Variants in BMAL2 observed in about 807,000 individuals in gnomAD.
The protein encoded by BMAL2 is basic helix-loop-helix ARNT-like protein 2.
At chr12:27,342,023 A>G in the BMAL2 span, among the ~76,000 whole-genome samples, 2 of 148,808 alleles carry the variant, frequency 1.3e-5, no homozygotes, top group Non-Finnish European at 3.0e-5. Flanking sequence ...TGCAACCTCC[A>G]CCTCCTGGGT....
chr12:27,345,990 G>T, the BMAL2 span, among the ~76,000 whole-genome samples: 1 of 152,148 alleles, frequency 6.6e-6, no homozygotes, highest in Admixed American at 6.6e-5. Context: ...TCAAATAATA[G>T]ATTAAAAAAT....
At chr12:27,388,966 A>C in the BMAL2 span, among the ~76,000 whole-genome samples, 2 of 152,186 alleles carry the variant, frequency 1.3e-5, no homozygotes, top group Non-Finnish European at 2.9e-5. Flanking sequence ...TGGTTTGTGT[A>C]TATCCAGGGA....
the BMAL2 span, among the ~76,000 whole-genome samples, chr12:27,360,755 T>C: frequency 1.5e-5 from 2 of 133,490 alleles, no homozygotes; most frequent in Non-Finnish European, 3.1e-5. Flanking sequence ...TTGCGGGAAA[T>C]TTCTTCCATC....
the BMAL2 span, among the ~76,000 whole-genome samples, chr12:27,398,546 G>T: frequency 6.8e-6 from 1 of 147,066 alleles, no homozygotes; most frequent in Non-Finnish European, 1.5e-5. Flanking sequence ...AATAGGAAAT[G>T]GATTAAATGG....
chr12:27,358,071 G>C, the BMAL2 span, among the ~76,000 whole-genome samples: 1 of 151,968 alleles, frequency 6.6e-6, no homozygotes, highest in Non-Finnish European at 1.5e-5. Flanking sequence ...AAACTAAAAA[G>C]CTTCTGCACA....
the BMAL2 span, chr12:27,403,519 A>G: frequency 6.2e-7 from 1 of 1,601,830 alleles, no homozygotes; most frequent in Non-Finnish European, 8.5e-7. Flanking sequence ...AGATATTGCA[A>G]ATGAAATTCT....
the BMAL2 span, among the ~76,000 whole-genome samples, chr12:27,403,699 A>G: frequency 3.3e-5 from 5 of 152,216 alleles, no homozygotes; most frequent in Admixed American, 6.5e-5. Flanking sequence ...TATAAATTTT[A>G]TAAGAAATAT....
At chr12:27,346,253 GT>G in the BMAL2 span, among the ~76,000 whole-genome samples, 1 of 151,958 alleles carries the variant, frequency 6.6e-6, no homozygotes, top group Non-Finnish European at 1.5e-5. Context: ...TTAAACCTTT[GT>G]TTTGTTTGTT....
At chr12:27,407,517 C>A in the BMAL2 span, among the ~76,000 whole-genome samples, 6 of 152,002 alleles carry the variant, frequency 3.9e-5, no homozygotes, top group Admixed American at 1.3e-4. Flanking sequence ...GAAATGAAGG[C>A]AGAAATAAAG....
chr12:27,342,651 G>A, the BMAL2 span, among the ~76,000 whole-genome samples: 1 of 152,366 alleles, frequency 6.6e-6, no homozygotes, highest in East Asian at 1.9e-4. Flanking sequence ...ACACGTACCA[G>A]CTCCCTGGTT....
chr12:27,379,747 G>A, the BMAL2 span, among the ~76,000 whole-genome samples: 2 of 152,122 alleles, frequency 1.3e-5, no homozygotes, highest in South Asian at 4.1e-4. Context: ...CTCTTTCAGG[G>A]AGTTTGCTGA....
the BMAL2 span, among the ~76,000 whole-genome samples, chr12:27,378,184 G>A: frequency 6.0e-4 from 91 of 152,206 alleles, 3 homozygotes; most frequent in South Asian, 0.015. Context: ...TCTCCTCTAC[G>A]TTTTATCTTC....
the BMAL2 span, among the ~76,000 whole-genome samples, chr12:27,346,216 C>CT: frequency 6.9e-6 from 1 of 145,874 alleles, no homozygotes; most frequent in Admixed American, 6.9e-5. Context: ...CTTATTCCCA[C>CT]TTTATCTTAT....
chr12:27,338,380 T>C, the BMAL2 span, among the ~76,000 whole-genome samples: 1 of 152,112 alleles, frequency 6.6e-6, no homozygotes, highest in East Asian at 1.9e-4. Flanking sequence ...GGAGAAATTA[T>C]ATCTAGTTCA....
the BMAL2 span, among the ~76,000 whole-genome samples, chr12:27,346,547 G>T: frequency 6.6e-6 from 1 of 152,186 alleles, no homozygotes; most frequent in Non-Finnish European, 1.5e-5. Flanking sequence ...ACAGGCGTGA[G>T]CCACCATGCC....
the BMAL2 span, among the ~76,000 whole-genome samples, chr12:27,390,901 T>C: frequency 6.6e-6 from 1 of 152,214 alleles, no homozygotes; most frequent in Non-Finnish European, 1.5e-5. Context: ...TCCTATCCTT[T>C]AAAAGGATAT....
At chr12:27,423,289 C>T in the BMAL2 span, 1 of 148,668 alleles carries the variant, frequency 6.7e-6, no homozygotes, top group Admixed American at 6.7e-5. Context: ...ACGAAAGTAT[C>T]ATAAAAACAG....
chr12:27,408,800 A>G, the BMAL2 span, among the ~76,000 whole-genome samples: 1 of 152,220 alleles, frequency 6.6e-6, no homozygotes, highest in Non-Finnish European at 1.5e-5. Flanking sequence ...GAGGAAGTCA[A>G]ATTGTCCCTG....
the BMAL2 span, among the ~76,000 whole-genome samples, chr12:27,384,333 C>G: frequency 2.0e-4 from 31 of 152,120 alleles, no homozygotes; most frequent in Non-Finnish European, 4.3e-4. Flanking sequence ...TTTAATATAA[C>G]TCAGTGCTAA....
Sources: gnomAD v4.1 joint callset for allele counts (sites outside exome capture counted in the v4.1 genomes callset) on GRCh38, gnomAD v4.1.1 for gene constraint, MANE v1.5 for transcripts, NCBI Gene and HGNC (gene_info 2026-07-23, HGNC 2026-07-21) for gene names.